Variants in PCDHGA9 observed in about 807,000 individuals in gnomAD.
PCDHGA9 encodes the protein protocadherin gamma subfamily A, 9.
In PCDHGA9, 37 loss-of-function variants were observed where a neutral mutation model predicts 62.5. The ratio of observed to expected loss-of-function variants is 0.59; its 90% confidence interval spans 0.46 to 0.78. The LOEUF (loss-of-function observed/expected upper bound fraction) is 0.78. PCDHGA9 is among the 30% of genes least tolerant of loss of function. The probability of loss-of-function intolerance (pLI) is 0.00; values close to 1 mark genes in which losing one functional copy is unlikely to be tolerated. For synonymous variants in PCDHGA9, 459 were observed against 484.6 expected (o/e 0.95, Z 0.69); for missense variants, 1,138 against 1,166.2 (o/e 0.98, Z 0.35).
chr5:141,416,042 A>G (rs1024979061), intron 1 of PCDHGA9: 1 of 193,196 alleles, frequency 5.2e-6, no homozygotes, highest in African/African-American at 2.3e-5. Context: ...ACCTCTGGAA[A>G]CACAACCCAA....
Position 141,472,217 on chromosome 5 carries a change from C to T in PCDHGA9, c.2425-22590C>T, listed in dbSNP as rs181908144. On this transcript the variant is annotated intron_variant, in intron 1 of 3. Transcript: ENST00000573521. ...CTTTTTGACACTAAGACCTTACTCTCGATCATATAATACATTCACTTTCTA... is the reference window on the plus strand; with the variant it reads ...CTTTTTGACACTAAGACCTTACTCTTGATCATATAATACATTCACTTTCTA... Among the ~76,000 whole-genome samples the T allele has an allele frequency of 3.1e-4, 47 of 152,234 alleles. 1 individual carries two copies. The highest frequency in any genetic ancestry group is 1.1e-3 in the African/African-American group (44 of 41,538).
At chr5:141,419,753 T>C (rs764151937) in intron 1 of PCDHGA9, 10 of 1,613,856 alleles carry the variant, frequency 6.2e-6, no homozygotes, top group South Asian at 2.2e-5. Context: ...GGTGCGTGCT[T>C]TGGGTGACAA....
chr5:141,436,713 G>T (rs2097842329), intron 1 of PCDHGA9, among the ~76,000 whole-genome samples: 1 of 152,190 alleles, frequency 6.6e-6, no homozygotes, highest in Non-Finnish European at 1.5e-5. Context: ...TCGATGTTCT[G>T]TTGGGAAAAA....
rs558074504 is a variant in PCDHGA9 at position 141,489,065 on chromosome 5, C to A, written c.2425-5742C>A. ...CCACTCAAATTCAGCTCCCCTCCCCCCTGCCCACCCCCGCCACTCGGTGAC... is the reference window on the plus strand; with the variant it reads ...CCACTCAAATTCAGCTCCCCTCCCCACTGCCCACCCCCGCCACTCGGTGAC... On this transcript the variant is annotated intron_variant, in intron 1 of 3. Transcript: ENST00000573521. The surrounding 1 kb of genome is among the most constrained non-coding windows in gnomAD (Gnocchi z 4.5). 1,377 of 389,040 alleles carry A rather than the reference C, an allele frequency of 3.5e-3. 31 individuals carry two copies. Among genetic ancestry groups the A allele is most frequent in the Admixed American group, 9.8e-3 (226 of 22,946 alleles). 24.1% of individuals were successfully genotyped at this position (389,040 alleles called of 1,614,324 possible).
chr5:141,477,600 T>A lies in PCDHGA9; in HGVS notation c.2425-17207T>A, dbSNP rs746047124. The A allele has an allele frequency of 6.2e-6, 10 of 1,614,146 alleles. No homozygotes were observed. The highest frequency in any genetic ancestry group is 7.6e-6 in the Non-Finnish European group (9 of 1,180,026). ...CCGCAGAATGCTCGGCTTTCTTTCT[T>A]TCTCTTGGAGCAAGGAGCTGAAACC... On this transcript the variant is annotated intron_variant, in intron 1 of 3. Coordinates refer to ENST00000573521, the MANE Select transcript of PCDHGA9 (RefSeq NM_018921.3). This position sits in a 1 kb window ranked among gnomAD's most constrained non-coding sequence, Gnocchi z 4.9.
intron 1 of PCDHGA9, among the ~76,000 whole-genome samples, chr5:141,461,253 C>A (rs1358900194): frequency 6.6e-6 from 1 of 152,108 alleles, no homozygotes; most frequent in Non-Finnish European, 1.5e-5. Flanking sequence ...ATATTCCCAG[C>A]AGCAATGTGT....
At chr5:141,428,196 C>A in intron 1 of PCDHGA9, 2 of 1,383,704 alleles carry the variant, frequency 1.4e-6, no homozygotes, top group Non-Finnish European at 2.0e-6. Context: ...CCGCTCTCTG[C>A]GCCGCTACGC....
chr5:141,489,205 G>A lies in PCDHGA9; in HGVS notation c.2425-5602G>A. 2.1e-6 allele frequency: 3 copies of A among 1,438,682 alleles called. No homozygotes were observed. Among genetic ancestry groups the A allele is most frequent in the Non-Finnish European group, 1.9e-6 (2 of 1,060,944 alleles). 89.1% of individuals were successfully genotyped at this position (1,438,682 alleles called of 1,614,324 possible). On this transcript the variant is annotated intron_variant, in intron 1 of 3. Coordinates refer to ENST00000573521, the MANE Select transcript of PCDHGA9 (RefSeq NM_018921.3). The surrounding 1 kb of genome is among the most constrained non-coding windows in gnomAD (Gnocchi z 4.5). ...CTGGGTCTACCTTGGAGACAGGACA[G>A]CACAGACTTACTCTCCACAAAGGGA...
chr5:141,410,462 CTG>C (rs1258642453), intron 1 of PCDHGA9: 1 of 1,613,924 alleles, frequency 6.2e-7, no homozygotes, highest in East Asian at 2.2e-5. Context: ...TTCTTATAAT[CTG>C]TGCATTGCAC....
Position 141,413,696 on chromosome 5 carries a change from A to G in PCDHGA9, c.2424+8320A>G, listed in dbSNP as rs753150251. On this transcript the variant is annotated intron_variant, in intron 1 of 3. Coordinates refer to ENST00000573521, the MANE Select transcript of PCDHGA9 (RefSeq NM_018921.3). ...GTGGGCGTGAACTCCCTGCAGAGCTATCAGCTCAGCCCCAATAAGCACTTC... is the reference window on the plus strand; with the variant it reads ...GTGGGCGTGAACTCCCTGCAGAGCTGTCAGCTCAGCCCCAATAAGCACTTC... 3.1e-6 allele frequency: 5 copies of G among 1,613,522 alleles called. No homozygotes were observed. In the Admixed American group the frequency reaches 6.7e-5, roughly 22 times the overall value.
chr5:141,460,979 GTGTGTATATATATATA>G (rs2099004425), intron 1 of PCDHGA9, among the ~76,000 whole-genome samples: 1 of 134,290 alleles, frequency 7.4e-6, no homozygotes, highest in Non-Finnish European at 1.5e-5. Flanking sequence ...GTGTGTGTGT[GTGTGTATATATATATA>G]TGTGTATATA....
At position 141,511,241 on chromosome 5, in the gene PCDHGA9, C is replaced by G; in HGVS notation, c.*68C>G. ...CCAGCCCAGCTTCTCCTTACCTGCA[C>G]CCAGGCCTCAGAGTTTCAGGGCTAA... On this transcript the variant is annotated 3_prime_UTR_variant, in exon 4 of 4. Transcript: ENST00000573521. 1 of 1,585,214 alleles carries G rather than the reference C, an allele frequency of 6.3e-7. No individual in the cohort carries two copies. The highest frequency in any genetic ancestry group is 1.1e-5 in the South Asian group (1 of 87,760).
At chr5:141,433,068 T>G (rs1296504554) in intron 1 of PCDHGA9, 1 of 1,613,900 alleles carries the variant, frequency 6.2e-7, no homozygotes, top group South Asian at 1.1e-5. Context: ...CACCTGATCT[T>G]CCCCCAGCCC....
chr5:141,414,908 G>A (rs758472270), intron 1 of PCDHGA9: 19 of 1,614,188 alleles, frequency 1.2e-5, no homozygotes, highest in Non-Finnish European at 1.6e-5. Flanking sequence ...GGTTCCACAG[G>A]CGTGGAGCTG....
intron 1 of PCDHGA9, chr5:141,423,386 G>T: frequency 6.2e-7 from 1 of 1,614,160 alleles, no homozygotes; most frequent in Middle Eastern, 1.7e-4. Flanking sequence ...CTGTGGCGCT[G>T]GCATAAGTCA....
intron 2 of PCDHGA9, among the ~76,000 whole-genome samples, chr5:141,499,265 C>T (rs1220250999): frequency 6.6e-6 from 1 of 152,128 alleles, no homozygotes; most frequent in African/African-American, 2.4e-5. Context: ...CATTTGGTCC[C>T]TAGACTGTTC....
intron 1 of PCDHGA9, among the ~76,000 whole-genome samples, chr5:141,459,660 T>C (rs73280323): frequency 7.9e-4 from 120 of 152,386 alleles, no homozygotes; most frequent in African/African-American, 2.7e-3. Flanking sequence ...AATATCACTT[T>C]ACATTTTCAT....
chr5:141,417,839 C>A, intron 1 of PCDHGA9: 1 of 1,534,218 alleles, frequency 6.5e-7, no homozygotes, highest in South Asian at 1.2e-5. Flanking sequence ...AGCGGGGACC[C>A]AGCGAGAACC....
At chr5:141,409,769 G>T (rs1413636372) in intron 1 of PCDHGA9, 3 of 1,612,776 alleles carry the variant, frequency 1.9e-6, no homozygotes, top group Middle Eastern at 1.7e-4. Flanking sequence ...CTTTGATCAC[G>T]AGCAGCTGCG....
Sources: allele counts gnomAD v4.1 joint callset (sites outside exome capture counted in the v4.1 genomes callset), GRCh38; gene constraint gnomAD v4.1.1; non-coding constraint Gnocchi (gnomAD v3.1); transcripts MANE v1.5; gene names NCBI Gene and HGNC (gene_info 2026-07-23, HGNC 2026-07-21).